The following HYDIN variants were observed in gnomAD, a reference collection of about 807,000 sequenced individuals.
HYDIN encodes HYDIN axonemal central pair apparatus protein.
HYDIN carries 132 observed loss-of-function variants against 403.9 expected under a neutral mutation model. That is an observed-to-expected ratio of 0.33 (90% CI 0.28 to 0.38). The LOEUF is 0.38. Ranked by LOEUF, HYDIN falls within the 10% of genes least tolerant of loss-of-function variation. HYDIN has a pLI of 1.00. For synonymous variants in HYDIN, 1,202 were observed against 1,891.7 expected, an observed-to-expected ratio of 0.64 and a Z score of 9.46; for missense variants, 2,827 against 5,009.5, an observed-to-expected ratio of 0.56 and a Z score of 13.15.
Position 70,879,315 on chromosome 16 carries a change from A to G in HYDIN, c.10539T>C (p.Asn3513=). The change falls in exon 62 of 86, where the codon AAT becomes AAC. Residue 3513 remains asparagine (N), a synonymous_variant. Coordinates refer to ENST00000393567, the MANE Select transcript of HYDIN (RefSeq NM_001270974.2). The stretch of plus-strand genomic sequence containing the variant: ...GTATTACCTGGGCAGGGAGGACACC[A>G]TTGTTCTTGAGGATGAGAGGCAGCT... ...SEKLPLILKN[N]GVLPAQLHVD... The G allele has an allele frequency of 7.5e-7, 1 of 1,339,142 alleles. No homozygotes were observed. Among genetic ancestry groups the G allele is most frequent in the Non-Finnish European group, 1.0e-6 (1 of 957,722 alleles). 83.0% of individuals were successfully genotyped at this position (1,339,142 alleles called of 1,614,324 possible). A position where few individuals can be genotyped will look rare whatever the true frequency, so the allele number is the denominator to read the frequency against.
At chr16:71,169,942 C>T (rs2144624988) in intron 5 of HYDIN, among the ~76,000 whole-genome samples, 1 of 152,278 alleles carries the variant, frequency 6.6e-6, no homozygotes, top group African/African-American at 2.4e-5. Flanking sequence ...CAAATATATA[C>T]AATTTTTGTC....
At chr16:71,111,640 C>T (rs929595168) in intron 10 of HYDIN, among the ~76,000 whole-genome samples, 4 of 151,902 alleles carry the variant, frequency 2.6e-5, no homozygotes, top group Non-Finnish European at 5.9e-5. Flanking sequence ...CAGGTGCTGG[C>T]CACAGGTCTG....
chr16:70,989,502 G>A (rs1178394902), intron 25 of HYDIN, among the ~76,000 whole-genome samples: 2 of 152,082 alleles, frequency 1.3e-5, no homozygotes, highest in Non-Finnish European at 2.9e-5. Flanking sequence ...TTATACTGTA[G>A]ATAAATATTA....
At chr16:71,108,762 C>T (rs1397418335) in intron 10 of HYDIN, among the ~76,000 whole-genome samples, 1 of 151,848 alleles carries the variant, frequency 6.6e-6, no homozygotes, top group Non-Finnish European at 1.5e-5. Context: ...CAAAGTCCAA[C>T]ATGGGTCTCA....
chr16:71,057,419 G>A (rs2081936234), intron 18 of HYDIN, among the ~76,000 whole-genome samples: 1 of 152,146 alleles, frequency 6.6e-6, no homozygotes, highest in African/African-American at 2.4e-5. Context: ...GCTGCTAACT[G>A]GGACCAACGT....
chr16:71,186,778 C>A lies in HYDIN; in HGVS notation c.118G>T (p.Glu40Ter). Residue 40 changes from glutamate (E) to a stop codon, truncating the protein, a stop_gained, in exon 2 of 86, where the codon GAA (glutamate) becomes TAA (stop). Transcript: ENST00000393567. LOFTEE classifies it high-confidence loss of function. ...PPLSPKVVTE[E>*]EVNRMLTPSE... is the part of the protein sequence containing the mutation. Reference sequence around the variant, plus strand: ...TACATTACCATTCGGTTTACTTCTTCTTCTGTAACCACCTTTGGACTCAGG... The same window carrying A: ...TACATTACCATTCGGTTTACTTCTTATTCTGTAACCACCTTTGGACTCAGG... 1 of 1,612,772 alleles carries A rather than the reference C, an allele frequency of 6.2e-7. No individual in the cohort carries two copies. The highest frequency in any genetic ancestry group is 8.5e-7 in the Non-Finnish European group (1 of 1,179,304).
intron 52 of HYDIN, among the ~76,000 whole-genome samples, chr16:70,901,584 CTT>C (rs77192535): frequency 0.49 from 60,227 of 122,516 alleles, 13,664 homozygotes; most frequent in Non-Finnish European, 0.57. Flanking sequence ...TATTTTCTTT[CTT>C]TTTTTTTTTT....
At chr16:71,058,798 T>A (rs2081987196) in intron 18 of HYDIN, among the ~76,000 whole-genome samples, 1 of 151,908 alleles carries the variant, frequency 6.6e-6, no homozygotes, top group Non-Finnish European at 1.5e-5. Context: ...CACTTTTATG[T>A]GGATTTTCTT....
At chr16:70,906,897 C>T (rs2076552692) in intron 50 of HYDIN, among the ~76,000 whole-genome samples, 2 of 152,200 alleles carry the variant, frequency 1.3e-5, no homozygotes, top group Admixed American at 1.3e-4. Context: ...AGCTCTCTTT[C>T]TCATCTCCTT....
chr16:71,069,538 C>T (rs758117670), intron 13 of HYDIN, 36 bp from the exon 14 acceptor site: 6 of 1,545,982 alleles, frequency 3.9e-6, no homozygotes, highest in African/African-American at 1.4e-5. Flanking sequence ...AATAAAAGCC[C>T]CCCCAACACC....
Position 71,187,276 on chromosome 16 carries a change from G to A in HYDIN, c.-23-358C>T, listed in dbSNP as rs575793071. On this transcript the variant is annotated intron_variant, in intron 1 of 85. Coordinates refer to ENST00000393567, the MANE Select transcript of HYDIN (RefSeq NM_001270974.2). ...ATAATTTATCTACATATTTGAAAGC[G>A]CTCTCTTAGGAGAATCGACCCTTCA... 3.9e-5 allele frequency among the ~76,000 whole-genome samples: 6 copies of A among 152,174 alleles called. No individual in the cohort carries two copies. The South Asian group carries it at 8.3e-4, about 21-fold the overall frequency.
chr16:71,187,080 T>C (rs2087191137), intron 1 of HYDIN, among the ~76,000 whole-genome samples, 162 bp from the exon 2 acceptor site: 1 of 152,198 alleles, frequency 6.6e-6, no homozygotes, highest in Non-Finnish European at 1.5e-5. Flanking sequence ...TTCTATTCCA[T>C]ATAACTAGAT....
chr16:71,072,822 T>TAAAAAGTCTTCCCTA (rs2082508776), intron 13 of HYDIN, among the ~76,000 whole-genome samples: 1 of 151,504 alleles, frequency 6.6e-6, no homozygotes, highest in Non-Finnish European at 1.5e-5. Context: ...TCTATAAGTT[T>TAAAAAGTCTTCCCTA]AAAAAGTCTT....
intron 12 of HYDIN, among the ~76,000 whole-genome samples, chr16:71,087,568 A>G (rs1799554612): frequency 7.3e-6 from 1 of 137,678 alleles, no homozygotes; most frequent in South Asian, 2.7e-4. Context: ...AATTCAGTGC[A>G]TAACAGGGAC....
chr16:70,804,798 C>A lies in HYDIN; in HGVS notation c.*2782G>T, dbSNP rs184668550. Among the ~76,000 whole-genome samples the A allele has an allele frequency of 6.6e-6, 1 of 152,124 alleles. No homozygotes were observed. Among genetic ancestry groups the A allele is most frequent in the Non-Finnish European group, 1.5e-5 (1 of 68,020 alleles). ...TGCTGAGTGTGCTGCAACCTGGGTTCGTTTTTGTTTCTCCCCCTCCCTTCT... is the reference window on the plus strand; with the variant it reads ...TGCTGAGTGTGCTGCAACCTGGGTTAGTTTTTGTTTCTCCCCCTCCCTTCT... On this transcript the variant is annotated 3_prime_UTR_variant, in exon 86 of 86. Coordinates refer to ENST00000393567, the MANE Select transcript of HYDIN (RefSeq NM_001270974.2).
At chr16:71,063,974 C>G (rs1167972050) in intron 16 of HYDIN, among the ~76,000 whole-genome samples, 1 of 130,856 alleles carries the variant, frequency 7.6e-6, no homozygotes, top group Non-Finnish European at 1.8e-5. Flanking sequence ...TGCCTTGGTT[C>G]TGTGGCCTCC....
At position 70,981,512 on chromosome 16, in the gene HYDIN, T is replaced by C. The variant is rs748611659; in HGVS notation, c.4389A>G (p.Val1463=). The C allele has an allele frequency of 3.1e-6, 5 of 1,613,748 alleles. No homozygotes were observed. The highest frequency in any genetic ancestry group is 4.2e-6 in the Non-Finnish European group (5 of 1,179,884). ...GGAAACTCCTTTTAAAGACCTCAGGTACTCCAGGTAGGTAGTAAACTTTTA... is the reference window on the plus strand; with the variant it reads ...GGAAACTCCTTTTAAAGACCTCAGGCACTCCAGGTAGGTAGTAAACTTTTA... ...QVLKVYYLPG[V]PEVFKRSFQI... is the part of the protein sequence containing the mutation. Residue 1463 remains valine (V), a synonymous_variant, in exon 29 of 86, where the codon GTA becomes GTG. Coordinates refer to ENST00000393567, the MANE Select transcript of HYDIN (RefSeq NM_001270974.2).
intron 13 of HYDIN, among the ~76,000 whole-genome samples, chr16:71,071,450 T>G (rs933343597): frequency 6.6e-6 from 1 of 151,840 alleles, no homozygotes; most frequent in African/African-American, 2.4e-5. Context: ...ACTTTACAGT[T>G]GTAGACCTCT....
intron 6 of HYDIN, among the ~76,000 whole-genome samples, chr16:71,156,796 C>T (rs1012373003): frequency 1.3e-5 from 2 of 151,906 alleles, no homozygotes; most frequent in Non-Finnish European, 2.9e-5. Context: ...TTTGAAATTG[C>T]TTCTTAATAC....
Sources: gnomAD v4.1 joint callset for allele counts (sites outside exome capture counted in the v4.1 genomes callset) on GRCh38, gnomAD v4.1.1 for gene constraint, MANE v1.5 for transcripts, NCBI Gene and HGNC (gene_info 2026-07-23, HGNC 2026-07-21) for gene names.